Variants in RBM47 observed in about 807,000 individuals in gnomAD.
RBM47 encodes the protein RNA binding motif protein 47.
RBM47 carries 21 observed loss-of-function variants against 47.1 expected under a neutral mutation model. That is an observed-to-expected ratio of 0.45 (90% CI 0.32 to 0.64). The LOEUF is 0.64. RBM47 is among the 30% of genes least tolerant of loss of function. The pLI is 0.05. For missense variants in RBM47, 708 were observed against 870.9 expected (o/e 0.81, Z 2.35); for synonymous variants, 375 against 361.7 (o/e 1.04, Z -0.42).
chr4:40,599,659 G>A lies in RBM47; in HGVS notation c.-240+29737C>T, dbSNP rs558861679. On this transcript the variant is annotated intron_variant, in intron 1 of 6. Transcript: ENST00000295971. ...AGGCCTTATGGAGAGGCCCTGAAAC[G>A]TTCCTGCCAAGGTGTCAGGCATGTG... 4.0e-5 allele frequency among the ~76,000 whole-genome samples: 6 copies of A among 151,344 alleles called. No homozygotes were observed. The East Asian group carries it at 1.2e-3, about 29-fold the overall frequency.
chr4:40,571,795 G>A (rs1047795812), intron 1 of RBM47, among the ~76,000 whole-genome samples: 5 of 151,678 alleles, frequency 3.3e-5, no homozygotes, highest in Non-Finnish European at 5.9e-5. Flanking sequence ...TGAGGCAGGC[G>A]GTCACTTGAG....
At chr4:40,504,290 C>CTT (rs35482960) in intron 2 of RBM47, among the ~76,000 whole-genome samples, 41 of 128,246 alleles carry the variant, frequency 3.2e-4, no homozygotes, top group South Asian at 5.0e-4. Context: ...TTGTTTCCTT[C>CTT]TTTTTTTTTT....
At chr4:40,568,235 G>A (rs1731280053) in intron 1 of RBM47, among the ~76,000 whole-genome samples, 1 of 151,378 alleles carries the variant, frequency 6.6e-6, no homozygotes, top group African/African-American at 2.4e-5. Context: ...AGACCAGCCT[G>A]GGCAACATGG....
At chr4:40,526,013 G>GAAGAAA (rs1726668801) in intron 2 of RBM47, among the ~76,000 whole-genome samples, 1 of 152,154 alleles carries the variant, frequency 6.6e-6, no homozygotes, top group Non-Finnish European at 1.5e-5. Flanking sequence ...GAGGCAACAA[G>GAAGAAA]AAGAAAAAGA....
upstream of RBM47, chr4:40,629,868 G>A (rs954502733): frequency 5.9e-5 from 9 of 152,202 alleles, no homozygotes; most frequent in African/African-American, 1.9e-4. Flanking sequence ...CTAGTCTGCG[G>A]GCCCTTCCCG....
intron 3 of RBM47, among the ~76,000 whole-genome samples, chr4:40,454,297 AAACT>A (rs1204994969): frequency 2.6e-5 from 4 of 152,178 alleles, no homozygotes; most frequent in South Asian, 2.1e-4. Flanking sequence ...ACACATTGGT[AAACT>A]AACTATTTAA....
chr4:40,486,665 A>C (rs1721128042), intron 2 of RBM47, among the ~76,000 whole-genome samples: 1 of 152,156 alleles, frequency 6.6e-6, no homozygotes, highest in South Asian at 2.1e-4. Context: ...TCTTACCCCC[A>C]GTAGAGGATC....
chr4:40,496,353 CA>C (rs1560419506), intron 2 of RBM47, among the ~76,000 whole-genome samples: 34 of 151,766 alleles, frequency 2.2e-4, no homozygotes, highest in African/African-American at 6.8e-4. Context: ...CACACACACA[CA>C]CACACACACA....
chr4:40,556,002 C>T (rs11932270), intron 1 of RBM47, among the ~76,000 whole-genome samples: 23,121 of 151,638 alleles, frequency 0.15, 3,746 homozygotes, highest in African/African-American at 0.41. Context: ...CTGGGAAACA[C>T]TGAAGCCAAC....
intron 1 of RBM47, among the ~76,000 whole-genome samples, chr4:40,603,221 G>A (rs4861062): frequency 0.61 from 92,687 of 151,958 alleles, 28,640 homozygotes; most frequent in Admixed American, 0.67. Flanking sequence ...GATACACCCT[G>A]TTAGCTTCTT....
At chr4:40,496,010 C>T (rs952479042) in intron 2 of RBM47, among the ~76,000 whole-genome samples, 1 of 152,186 alleles carries the variant, frequency 6.6e-6, no homozygotes, top group African/African-American at 2.4e-5. Context: ...ACTGAGATGG[C>T]TCAAAGGACT....
intron 1 of RBM47, among the ~76,000 whole-genome samples, chr4:40,562,437 C>T (rs931609198): frequency 2.6e-5 from 4 of 151,446 alleles, no homozygotes; most frequent in Non-Finnish European, 5.9e-5. Flanking sequence ...ACATTTTAGA[C>T]CCCTTCTCCT....
At chr4:40,481,276 CTTT>C (rs1236509834) in intron 2 of RBM47, among the ~76,000 whole-genome samples, 2 of 119,520 alleles carry the variant, frequency 1.7e-5, no homozygotes, top group Non-Finnish European at 1.8e-5. Context: ...TTGTTTCTTT[CTTT>C]TTTTTTTTTT....
At chr4:40,544,835 C>T (rs1037310103) in intron 1 of RBM47, among the ~76,000 whole-genome samples, 1 of 151,974 alleles carries the variant, frequency 6.6e-6, no homozygotes, top group Non-Finnish European at 1.5e-5. Context: ...TTTGGAAGGC[C>T]GAGGCAGGAG....
intron 2 of RBM47, among the ~76,000 whole-genome samples, chr4:40,541,854 C>T (rs1009968784): frequency 6.6e-6 from 1 of 152,174 alleles, no homozygotes; most frequent in Non-Finnish European, 1.5e-5. Context: ...CAAGTAGCTG[C>T]CTCTGTTCAT....
In RBM47 at chr4:40,482,029, T is replaced by C. The variant is rs1404671233; in HGVS notation, c.-154-15330A>G. The stretch of plus-strand genomic sequence containing the variant: ...AATTACAGGTGTGAGCCACCGTACC[T>C]GGCCATGATGTGATTTCTATTAACT... On this transcript the variant is annotated intron_variant, in intron 2 of 6. Coordinates refer to ENST00000295971, the MANE Select transcript of RBM47 (RefSeq NM_001098634.2). 5.9e-5 allele frequency among the ~76,000 whole-genome samples: 9 copies of C among 152,312 alleles called. No individual in the cohort carries two copies. The South Asian group carries it at 1.9e-3, about 32-fold the overall frequency.
intron 3 of RBM47, among the ~76,000 whole-genome samples, chr4:40,441,274 C>CAAA (rs71196868): frequency 1.4e-5 from 2 of 141,338 alleles, no homozygotes; most frequent in Admixed American, 7.0e-5. Context: ...AAAAAGGAAC[C>CAAA]AAAAAAAAAA....
At chr4:40,501,318 G>A (rs1723331599) in intron 2 of RBM47, among the ~76,000 whole-genome samples, 1 of 152,234 alleles carries the variant, frequency 6.6e-6, no homozygotes, top group Non-Finnish European at 1.5e-5. Flanking sequence ...CAAAGAAGAT[G>A]TGGAAAGCAG....
chr4:40,534,493 C>G (rs150537842), intron 2 of RBM47, among the ~76,000 whole-genome samples: 31 of 152,206 alleles, frequency 2.0e-4, no homozygotes, highest in Non-Finnish European at 4.1e-4. Flanking sequence ...AGCTAAAATT[C>G]AGGGTGTAGA....
Sources: gnomAD v4.1 joint callset for allele counts (sites outside exome capture counted in the v4.1 genomes callset) on GRCh38, gnomAD v4.1.1 for gene constraint, MANE v1.5 for transcripts, NCBI Gene and HGNC (gene_info 2026-07-23, HGNC 2026-07-21) for gene names.